TRIM14: variants seen among roughly 807,000 people sequenced by gnomAD.
The protein encoded by TRIM14 is tripartite motif-containing protein 14.
TRIM14 carries 28 observed loss-of-function variants against 44.5 expected under a neutral mutation model. The ratio of observed to expected loss-of-function variants is 0.63; its 90% CI spans 0.47 to 0.86. TRIM14 has a LOEUF of 0.86. Among genes scored for constraint, TRIM14 ranks in the 40% least tolerant of loss-of-function variants. TRIM14 has a pLI of 0.00. For missense variants in TRIM14, 607 were observed against 611.1 expected (o/e 0.99, Z 0.07); for synonymous variants, 299 against 269.2 (o/e 1.11, Z -1.08).
chr9:98,098,314 G>C (rs567000656), intron 3 of TRIM14, among the ~76,000 whole-genome samples: 2 of 152,182 alleles, frequency 1.3e-5, no homozygotes, highest in African/African-American at 4.8e-5. Flanking sequence ...GGCAAAGAAG[G>C]AAACAGGAGG....
At chr9:98,110,064 C>T in intron 1 of TRIM14, 80 bp from the exon 2 acceptor site, 1 of 1,059,400 alleles carries the variant, frequency 9.4e-7, no homozygotes, top group Non-Finnish European at 1.5e-6. Context: ...GTCACCTCCT[C>T]TTACCCTTGT....
chr9:98,055,394 T>C, the TRIM14 span, among the ~76,000 whole-genome samples: 2 of 152,168 alleles, frequency 1.3e-5, no homozygotes, highest in African/African-American at 2.4e-5. Flanking sequence ...ATTGGTTGTG[T>C]TGGAGATAAA....
At chr9:98,079,653 A>T (rs368855196), downstream of TRIM14, among the ~76,000 whole-genome samples, 47 of 152,270 alleles carry the variant, frequency 3.1e-4, no homozygotes, top group African/African-American at 1.1e-3. Context: ...CTCCCATCCC[A>T]CAGAGATTCC....
the TRIM14 span, among the ~76,000 whole-genome samples, chr9:98,048,907 G>A: frequency 6.6e-6 from 1 of 152,048 alleles, no homozygotes; most frequent in East Asian, 1.9e-4. Flanking sequence ...TGTAATTCCA[G>A]CTACCTGGGA....
In TRIM14 at chr9:98,087,264, C is replaced by T; in HGVS notation, c.*206G>A. 2.4e-6 allele frequency: 2 copies of T among 838,400 alleles called. No homozygotes were observed. The highest frequency in any genetic ancestry group is 4.2e-6 in the Non-Finnish European group (2 of 472,112). 51.9% of individuals were successfully genotyped at this position (838,400 alleles called of 1,614,324 possible). On this transcript the variant is annotated 3_prime_UTR_variant, in exon 6 of 6. Coordinates refer to ENST00000341469, the MANE Select transcript of TRIM14 (RefSeq NM_014788.4). ...GTGCGGAGGTCTGATGAGAGGGCAG[C>T]AGCAGACTTGTTTAGGGCCTGTTTG...
At chr9:98,110,210 A>T in intron 1 of TRIM14, 1 of 509,610 alleles carries the variant, frequency 2.0e-6, no homozygotes, top group Non-Finnish European at 3.5e-6. Context: ...CTTGATTTGC[A>T]CCCCTTCCTC....
Position 98,118,962 on chromosome 9 carries a change from C to A in TRIM14, c.207+20G>T, listed in dbSNP as rs764155867. The stretch of plus-strand genomic sequence containing the variant: ...CTCCCCCAACTCCCGCGCGGCGAAC[C>A]CCGTCCCCATCGTCCCCACCTGCAC... On this transcript the variant is annotated intron_variant, in intron 1 of 5. Coordinates refer to ENST00000341469, the MANE Select transcript of TRIM14 (RefSeq NM_014788.4). The A allele has an allele frequency of 4.6e-6, 7 of 1,505,912 alleles. No individual in the cohort carries two copies. The Admixed American group carries it at 1.5e-4, about 32-fold the overall frequency. 93.3% of individuals were successfully genotyped at this position (1,505,912 alleles called of 1,614,324 possible).
downstream of TRIM14, among the ~76,000 whole-genome samples, chr9:98,080,129 G>T (rs1278080418): frequency 6.6e-6 from 1 of 152,180 alleles, no homozygotes; most frequent in African/African-American, 2.4e-5. Context: ...CAGGAGAATC[G>T]CTTGAACCCA....
Position 98,119,070 on chromosome 9 carries a change from CG to C in TRIM14, c.118del (p.Arg40AlafsTer37), listed in dbSNP as rs1233706420. 1 of 1,580,944 alleles carries C rather than the reference CG, an allele frequency of 6.3e-7. No individual in the cohort carries two copies. Among genetic ancestry groups the C allele is most frequent in the African/African-American group, 1.4e-5 (1 of 72,208 alleles). On this transcript the variant is annotated frameshift_variant, in exon 1 of 6. Transcript: ENST00000341469. LOFTEE classifies it high-confidence loss of function. ...RVAELFCRRC[R>X]RCVCALCPVL... The stretch of plus-strand genomic sequence containing the variant: ...CGGGCAAAGCGCGCACACGCAGCGG[CG>C]GCAGCGGCGACAGAAGAGCTCAGCC...
chr9:98,072,001 CG>C (rs1455522719), intron 6 of TRIM14, among the ~76,000 whole-genome samples: 1 of 152,112 alleles, frequency 6.6e-6, no homozygotes, highest in Non-Finnish European at 1.5e-5. Flanking sequence ...GTGTTTGCAG[CG>C]GGGCTTCCTC....
the TRIM14 span, chr9:98,060,896 G>A: frequency 1.2e-6 from 2 of 1,614,190 alleles, no homozygotes; most frequent in Non-Finnish European, 1.7e-6. Context: ...GACGTACGGG[G>A]AGCACAAACG....
chr9:98,079,811 A>G (rs919112483), downstream of TRIM14, among the ~76,000 whole-genome samples: 11 of 152,194 alleles, frequency 7.2e-5, no homozygotes, highest in African/African-American at 2.2e-4. Context: ...GGGCCTGCAC[A>G]TAGTACAGTG....
chr9:98,080,821 T>C (rs2118021315), downstream of TRIM14: 1 of 1,576,566 alleles, frequency 6.3e-7, no homozygotes, highest in East Asian at 2.3e-5. Context: ...TAAAGGAATA[T>C]CAGAAGCTCT....
the TRIM14 span, among the ~76,000 whole-genome samples, chr9:98,060,363 G>A: frequency 6.6e-6 from 1 of 152,126 alleles, no homozygotes; most frequent in African/African-American, 2.4e-5. Flanking sequence ...GTCAGTCTAT[G>A]TTGTTTTTAA....
downstream of TRIM14, chr9:98,081,112 G>C (rs1587931783): frequency 2.5e-6 from 4 of 1,610,444 alleles, no homozygotes; most frequent in East Asian, 4.5e-5. Context: ...ACTCGGTTCT[G>C]CTGCCGTGTG....
rs1379401258 is a variant in TRIM14 at position 98,087,419 on chromosome 9, G to A, written c.*51C>T. 6.2e-7 allele frequency: 1 copy of A among 1,609,646 alleles called. No individual in the cohort carries two copies. The highest frequency in any genetic ancestry group is 2.2e-5 in the East Asian group (1 of 44,770). Reference sequence around the variant, plus strand: ...CCACGCTGATCTAGGTAGATTAGGCGAGACTGGGCAGCTGCGGCGTACCTG... The same window carrying A: ...CCACGCTGATCTAGGTAGATTAGGCAAGACTGGGCAGCTGCGGCGTACCTG... On this transcript the variant is annotated 3_prime_UTR_variant, in exon 6 of 6. Transcript: ENST00000341469.
At chr9:98,079,345 T>C (rs1378124431) in intron 6 of TRIM14, among the ~76,000 whole-genome samples, 3 of 152,366 alleles carry the variant, frequency 2.0e-5, no homozygotes, top group Non-Finnish European at 1.5e-5. Context: ...ATTCTATCTA[T>C]CTATCCACAC....
At chr9:98,104,645 T>C (rs1826535943) in intron 2 of TRIM14, among the ~76,000 whole-genome samples, 1 of 152,170 alleles carries the variant, frequency 6.6e-6, no homozygotes, top group African/African-American at 2.4e-5. Context: ...AGATCCCAGC[T>C]GAACTGGGCT....
At chr9:98,089,706 G>T (rs1050997324) in intron 5 of TRIM14, among the ~76,000 whole-genome samples, 2 of 152,236 alleles carry the variant, frequency 1.3e-5, no homozygotes, top group African/African-American at 4.8e-5. Context: ...ACCTAGTTCT[G>T]CCCTCAATGG....
Sources: gnomAD v4.1 joint callset for allele counts (sites outside exome capture counted in the v4.1 genomes callset) on GRCh38, gnomAD v4.1.1 for gene constraint, MANE v1.5 for transcripts, NCBI Gene and HGNC (gene_info 2026-07-23, HGNC 2026-07-21) for gene names.